Variants in CCDC73 observed in about 807,000 individuals in gnomAD.
CCDC73 encodes coiled-coil domain-containing protein 73.
In CCDC73, 95 loss-of-function variants were observed where a neutral mutation model predicts 116.5. The ratio of observed to expected loss-of-function variants is 0.82; its 90% confidence interval spans 0.69 to 0.97. The LOEUF is 0.97. Ranked by LOEUF, CCDC73 falls within the 50% of genes least tolerant of loss-of-function variation. CCDC73 has a pLI of 0.00. For synonymous variants in CCDC73, 398 were observed against 401.3 expected, an observed-to-expected ratio of 0.99 and a Z score of 0.10; for missense variants, 1,066 against 1,206.8, an observed-to-expected ratio of 0.88 and a Z score of 1.73.
At chr11:32,805,066 T>C in the CCDC73 span, among the ~76,000 whole-genome samples, 4 of 152,226 alleles carry the variant, frequency 2.6e-5, no homozygotes, top group Non-Finnish European at 5.9e-5. Flanking sequence ...TCTGCAATCA[T>C]TGATACACTA....
Position 32,687,477 on chromosome 11 carries a change from G to A in CCDC73, c.391-3903C>T, listed in dbSNP as rs993106764. Among the ~76,000 whole-genome samples the A allele has an allele frequency of 6.6e-5, 10 of 152,142 alleles. No individual in the cohort carries two copies. The East Asian group carries it at 7.7e-4, about 12-fold the overall frequency. Reference sequence around the variant, plus strand: ...AGGGTGTTTTATGAAATAAGTCAACGTCTTAGTGATAATGAAAGTCAGATT... The same window carrying A: ...AGGGTGTTTTATGAAATAAGTCAACATCTTAGTGATAATGAAAGTCAGATT... On this transcript the variant is annotated intron_variant, in intron 6 of 17. Coordinates refer to ENST00000335185, the MANE Select transcript of CCDC73 (RefSeq NM_001008391.4).
chr11:32,702,587 T>C (rs577030196), intron 4 of CCDC73, among the ~76,000 whole-genome samples: 13 of 152,224 alleles, frequency 8.5e-5, no homozygotes, highest in South Asian at 6.2e-4. Context: ...GAAAGAACAA[T>C]AACACACACA....
At chr11:32,777,832 G>A (rs1158091233) in intron 1 of CCDC73, among the ~76,000 whole-genome samples, 1 of 152,054 alleles carries the variant, frequency 6.6e-6, no homozygotes, top group African/African-American at 2.4e-5. Flanking sequence ...TAATAAAGAA[G>A]GCTAAAATAT....
At position 32,683,592 on chromosome 11, in the gene CCDC73, A is replaced by G. The variant is rs1161754932; in HGVS notation, c.391-18T>C. On this transcript the variant is annotated intron_variant, in intron 6 of 17. Transcript: ENST00000335185. Reference sequence around the variant, plus strand: ...TTAGAAACCTTGAAAAATAAGGGGGAAAAATCTCATTAAAATACTTTAATT... The same window carrying G: ...TTAGAAACCTTGAAAAATAAGGGGGGAAAATCTCATTAAAATACTTTAATT... 1.2e-5 allele frequency: 16 copies of G among 1,382,162 alleles called. No homozygotes were observed. Among genetic ancestry groups the G allele is most frequent in the African/African-American group, 4.6e-5 (3 of 65,116 alleles). 85.6% of individuals were successfully genotyped at this position (1,382,162 alleles called of 1,614,324 possible). A position where few individuals can be genotyped will look rare whatever the true frequency, so the allele number is the denominator to read the frequency against.
intron 14 of CCDC73, among the ~76,000 whole-genome samples, chr11:32,624,084 C>T (rs1449954031): frequency 6.6e-6 from 1 of 151,830 alleles, no homozygotes; most frequent in Non-Finnish European, 1.5e-5. Flanking sequence ...AGTCTGTAAT[C>T]CCAGCATTTT....
intron 9 of CCDC73, among the ~76,000 whole-genome samples, chr11:32,657,011 C>T (rs576603893): frequency 4.7e-4 from 71 of 152,098 alleles, no homozygotes; most frequent in African/African-American, 1.6e-3. Flanking sequence ...GGTACTATCA[C>T]ATAGAGAGTT....
chr11:32,756,956 A>G (rs1850349518), intron 2 of CCDC73, among the ~76,000 whole-genome samples: 3 of 152,184 alleles, frequency 2.0e-5, no homozygotes, highest in African/African-American at 7.2e-5. Context: ...CTTATCACAC[A>G]TGCCTGCAAA....
intron 14 of CCDC73, among the ~76,000 whole-genome samples, chr11:32,627,853 G>C (rs1272124736): frequency 2.6e-5 from 4 of 152,114 alleles, no homozygotes; most frequent in Non-Finnish European, 5.9e-5. Flanking sequence ...ATAGCATTAG[G>C]AGATATACCT....
chr11:32,755,564 TAC>T lies in CCDC73; in HGVS notation c.135+4543_135+4544del, dbSNP rs1228046663. 9.9e-4 allele frequency among the ~76,000 whole-genome samples: 122 copies of T among 123,760 alleles called. 4 individuals carry two copies. Among genetic ancestry groups the T allele is most frequent in the South Asian group, 1.5e-3 (6 of 3,916 alleles). The allele number at this position is 123,760 out of a possible 152,430, so 81.2% of individuals were successfully genotyped here. Reference sequence around the variant, plus strand: ...ATATATATATATATATATATATATGTACATATATATCCATATATATGTGTGTA... The same window carrying T: ...ATATATATATATATATATATATATGTATATATATCCATATATATGTGTGTA... On this transcript the variant is annotated intron_variant, in intron 2 of 17. Transcript: ENST00000335185.
chr11:32,826,743 T>C, the CCDC73 span, among the ~76,000 whole-genome samples: 2 of 151,962 alleles, frequency 1.3e-5, no homozygotes, highest in Non-Finnish European at 2.9e-5. Flanking sequence ...TATCCCTCTT[T>C]GTAAAATGAG....
chr11:32,684,206 C>T (rs1479472081), intron 6 of CCDC73, among the ~76,000 whole-genome samples: 1 of 152,026 alleles, frequency 6.6e-6, no homozygotes, highest in African/African-American at 2.4e-5. Context: ...AACATGCCAC[C>T]ACACCTGGCT....
chr11:32,808,403 C>G, the CCDC73 span, among the ~76,000 whole-genome samples: 1 of 152,232 alleles, frequency 6.6e-6, no homozygotes, highest in African/African-American at 2.4e-5. Context: ...CTTTGGGAGG[C>G]CGAGGTGGGC....
chr11:32,721,074 G>T (rs1849985724), intron 2 of CCDC73, among the ~76,000 whole-genome samples: 1 of 152,214 alleles, frequency 6.6e-6, no homozygotes, highest in South Asian at 2.1e-4. Context: ...ATCCAGCCTG[G>T]AGTGCAGTGG....
chr11:32,660,353 ACAGGTATAGCTC>A lies in CCDC73; in HGVS notation c.646-5393_646-5382del, dbSNP rs1270454659. Reference sequence around the variant, plus strand: ...GGCTGCTAACAGAGAAGAGAAGCCAACAGGTATAGCTCCAGGATTCTTCCAACCCTTCCTTCA... The same window carrying A: ...GGCTGCTAACAGAGAAGAGAAGCCAACAGGATTCTTCCAACCCTTCCTTCA... On this transcript the variant is annotated intron_variant, in intron 9 of 17. Transcript: ENST00000335185. Among the ~76,000 whole-genome samples, 3 of 151,860 alleles carry A rather than the reference ACAGGTATAGCTC, an allele frequency of 2.0e-5. No individual in the cohort carries two copies. In the South Asian group the frequency reaches 6.2e-4, roughly 32 times the overall value.
chr11:32,700,912 C>T (rs1436409569), intron 4 of CCDC73, 86 bp from the exon 5 acceptor site: 1 of 524,572 alleles, frequency 1.9e-6, no homozygotes, highest in Non-Finnish European at 3.4e-6. Context: ...AAACACTTTA[C>T]ACATCTATAT....
rs1855457520 is a variant in CCDC73, at chr11:32,614,602, GTTA to G, written c.1713_1715del (p.Asn572del). The G allele has an allele frequency of 6.2e-7, 1 of 1,611,138 alleles. No homozygotes were observed. Among genetic ancestry groups the G allele is most frequent in the East Asian group, 2.2e-5 (1 of 44,788 alleles). ...TTAAAATACTGTTAAATGATGTTTT[GTTA>G]TTTTCAACCTCCAGATTTACATCTG... On this transcript the variant is annotated inframe_deletion, in exon 16 of 18. Transcript: ENST00000335185.
At chr11:32,612,884 C>T (rs763401934) in intron 16 of CCDC73, among the ~76,000 whole-genome samples, 4 of 152,126 alleles carry the variant, frequency 2.6e-5, no homozygotes, top group Non-Finnish European at 5.9e-5. Flanking sequence ...AAAACTTGGA[C>T]ATTATGCCAT....
chr11:32,621,773 G>A (rs1007507780), intron 14 of CCDC73, among the ~76,000 whole-genome samples: 3 of 152,014 alleles, frequency 2.0e-5, no homozygotes, highest in Non-Finnish European at 2.9e-5. Flanking sequence ...CCTGACAAAT[G>A]GCTAATATCC....
intron 6 of CCDC73, among the ~76,000 whole-genome samples, chr11:32,685,766 G>C (rs1458004957): frequency 7.5e-6 from 1 of 134,064 alleles, no homozygotes; most frequent in Non-Finnish European, 1.5e-5. Flanking sequence ...TCTGTCACCA[G>C]GTTGGAGTGC....
Sources: allele counts gnomAD v4.1 joint callset (sites outside exome capture counted in the v4.1 genomes callset), GRCh38; gene constraint gnomAD v4.1.1; transcripts MANE v1.5; gene names NCBI Gene and HGNC (gene_info 2026-07-23, HGNC 2026-07-21).